AFF3: variants seen among roughly 807,000 people sequenced by gnomAD.
The protein encoded by AFF3 is AF4/FMR2 family member 3.
AFF3 carries 32 observed loss-of-function variants against 129.7 expected under a neutral mutation model. That is an observed-to-expected ratio of 0.25 (90% CI 0.19 to 0.33). The LOEUF is 0.33. Among genes scored for constraint, AFF3 ranks in the 10% least tolerant of loss-of-function variants. The pLI is 1.00. For synonymous variants in AFF3, 644 were observed against 635.4 expected (o/e 1.01, Z -0.20); for missense variants, 1,373 against 1,592.0 (o/e 0.86, Z 2.34).
chr2:100,105,571 G>A lies in AFF3; in HGVS notation c.-132C>T. The A allele has an allele frequency of 2.3e-6, 3 of 1,332,986 alleles. No homozygotes were observed. The highest frequency in any genetic ancestry group is 3.0e-6 in the Non-Finnish European group (3 of 1,005,518). 82.6% of individuals were successfully genotyped at this position (1,332,986 alleles called of 1,614,324 possible). ...TTGCCGCCCGTCTCCGGTCTGGAAAGGCAGGTGATCAGCTAGAAGGGTGAT... is the reference window on the plus strand; with the variant it reads ...TTGCCGCCCGTCTCCGGTCTGGAAAAGCAGGTGATCAGCTAGAAGGGTGAT... On this transcript the variant is annotated 5_prime_UTR_variant, in exon 3 of 25. Coordinates refer to ENST00000672756, the MANE Select transcript of AFF3 (RefSeq NM_001386135.1).
At chr2:99,808,467 T>C (rs1024722867) in intron 8 of AFF3, among the ~76,000 whole-genome samples, 2 of 152,180 alleles carry the variant, frequency 1.3e-5, no homozygotes, top group African/African-American at 4.8e-5. Context: ...ACTCTATTTG[T>C]CTCTGTATGA....
chr2:99,866,056 G>A (rs2105934904), intron 7 of AFF3, among the ~76,000 whole-genome samples: 1 of 152,258 alleles, frequency 6.6e-6, no homozygotes. Flanking sequence ...GCTACCTTCT[G>A]GACACAATTC....
rs549991807 is a variant in AFF3, at chr2:99,724,544, A to G, written c.1091+2533T>C. 2.0e-5 allele frequency among the ~76,000 whole-genome samples: 3 copies of G among 152,156 alleles called. No individual in the cohort carries two copies. In the South Asian group the frequency reaches 6.2e-4, roughly 32 times the overall value. On this transcript the variant is annotated intron_variant, in intron 11 of 24. Coordinates refer to ENST00000672756, the MANE Select transcript of AFF3 (RefSeq NM_001386135.1). ...CACCTGGGCCTCCCAAAGTGCTGGG[A>G]TTACAAGTGTGAGACACCGCACCTG...
At chr2:100,071,158 T>C (rs1020907438) in intron 4 of AFF3, among the ~76,000 whole-genome samples, 1 of 152,218 alleles carries the variant, frequency 6.6e-6, no homozygotes, top group Non-Finnish European at 1.5e-5. Context: ...TGCAATTTAA[T>C]GCTACATTTC....
chr2:99,654,299 G>A (rs1685553025), intron 12 of AFF3, among the ~76,000 whole-genome samples: 1 of 152,076 alleles, frequency 6.6e-6, no homozygotes, highest in African/African-American at 2.4e-5. Flanking sequence ...GTATATGTCA[G>A]ATGTTTTAAA....
At chr2:99,727,854 G>A (rs1004592267) in intron 10 of AFF3, among the ~76,000 whole-genome samples, 1 of 152,140 alleles carries the variant, frequency 6.6e-6, no homozygotes, top group African/African-American at 2.4e-5. Flanking sequence ...GAACCACCAC[G>A]TCCGGCCAGG....
chr2:100,071,998 C>T (rs1451120727), intron 4 of AFF3, among the ~76,000 whole-genome samples: 2 of 152,150 alleles, frequency 1.3e-5, no homozygotes, highest in Non-Finnish European at 2.9e-5. Flanking sequence ...ATGAAAGCAT[C>T]TCCAAAAACT....
At chr2:99,749,441 C>G (rs1681444950) in intron 9 of AFF3, among the ~76,000 whole-genome samples, 1 of 152,306 alleles carries the variant, frequency 6.6e-6, no homozygotes, top group East Asian at 1.9e-4. Flanking sequence ...ATAAACTGTG[C>G]TTTGGTATGT....
chr2:99,856,228 T>C (rs879620054), intron 7 of AFF3, among the ~76,000 whole-genome samples: 2 of 152,060 alleles, frequency 1.3e-5, no homozygotes, highest in Non-Finnish European at 2.9e-5. Flanking sequence ...TATTTGTTCC[T>C]TTGTTGTAAT....
chr2:100,136,009 C>G lies in AFF3; in HGVS notation c.-228+6475G>C, dbSNP rs1417223193. Among the ~76,000 whole-genome samples, 7 of 152,284 alleles carry G rather than the reference C, an allele frequency of 4.6e-5. No individual in the cohort carries two copies. In the East Asian group the frequency reaches 1.2e-3, roughly 25 times the overall value. On this transcript the variant is annotated intron_variant, in intron 1 of 24. Coordinates refer to ENST00000672756, the MANE Select transcript of AFF3 (RefSeq NM_001386135.1). ...TGAAGGATGGCTTCAAGGTCCTAGGCTGACACTGGAAGAATGAAGGGGCTT... is the reference window on the plus strand; with the variant it reads ...TGAAGGATGGCTTCAAGGTCCTAGGGTGACACTGGAAGAATGAAGGGGCTT...
intron 8 of AFF3, among the ~76,000 whole-genome samples, chr2:99,802,363 C>T (rs1305766408): frequency 6.6e-6 from 1 of 152,118 alleles, no homozygotes; most frequent in African/African-American, 2.4e-5. Context: ...TAACCTATTC[C>T]CACTTACATT....
At chr2:99,680,642 C>T (rs1347493801) in intron 11 of AFF3, among the ~76,000 whole-genome samples, 3 of 152,188 alleles carry the variant, frequency 2.0e-5, no homozygotes, top group Non-Finnish European at 4.4e-5. Flanking sequence ...ATTCTGTTTG[C>T]TAGCTAATGG....
intron 8 of AFF3, among the ~76,000 whole-genome samples, chr2:99,815,360 C>T (rs998672975): frequency 2.6e-5 from 4 of 152,172 alleles, no homozygotes; most frequent in African/African-American, 9.7e-5. Context: ...AGAACTTCTC[C>T]ATCTTCCCAA....
At chr2:99,905,877 G>A (rs955274935) in intron 7 of AFF3, among the ~76,000 whole-genome samples, 4 of 151,886 alleles carry the variant, frequency 2.6e-5, no homozygotes, top group African/African-American at 9.7e-5. Flanking sequence ...CATGTATCAC[G>A]CCCTCCACTG....
At chr2:100,125,360 A>G (rs1315115611) in intron 2 of AFF3, among the ~76,000 whole-genome samples, 3 of 152,142 alleles carry the variant, frequency 2.0e-5, no homozygotes, top group Non-Finnish European at 4.4e-5. Context: ...AAAAAAAAAT[A>G]GAGGTATAAG....
chr2:100,126,516 C>G (rs994931435), intron 2 of AFF3, among the ~76,000 whole-genome samples: 3 of 152,178 alleles, frequency 2.0e-5, no homozygotes, highest in African/African-American at 7.2e-5. Context: ...TTCCAACCCA[C>G]TAGGGTCCTT....
chr2:99,833,456 G>A (rs1310336946), intron 8 of AFF3, among the ~76,000 whole-genome samples: 2 of 152,176 alleles, frequency 1.3e-5, no homozygotes, highest in African/African-American at 2.4e-5. Flanking sequence ...TGCTAAAGAT[G>A]ATGAGAGCAA....
In AFF3 at chr2:99,675,618, T is replaced by A. The variant is rs376256053; in HGVS notation, c.1092-3029A>T. 1.3e-4 allele frequency among the ~76,000 whole-genome samples: 20 copies of A among 152,332 alleles called. 1 individual carries two copies. The South Asian group carries it at 1.7e-3, about 13-fold the overall frequency. On this transcript the variant is annotated intron_variant, in intron 11 of 24. Transcript: ENST00000672756. ...ACAACTCCATGTTGAATGCTGAACA[T>A]ATCCAAGTGGCCTCTTAGAGAGCCT... is the stretch of plus-strand genomic sequence containing the variant.
chr2:99,928,132 C>T (rs1231081228), intron 7 of AFF3, among the ~76,000 whole-genome samples: 4 of 152,140 alleles, frequency 2.6e-5, no homozygotes, highest in African/African-American at 4.8e-5. Flanking sequence ...AAACCTCTTT[C>T]GTTTGTAAAC....
Sources: allele counts gnomAD v4.1 joint callset (sites outside exome capture counted in the v4.1 genomes callset), GRCh38; gene constraint gnomAD v4.1.1; transcripts MANE v1.5; gene names NCBI Gene and HGNC (gene_info 2026-07-23, HGNC 2026-07-21).